PRTFDC1: variants seen among roughly 807,000 people sequenced by gnomAD.
PRTFDC1 encodes phosphoribosyltransferase domain-containing protein 1.
A neutral mutation model predicts 34.6 loss-of-function variants in PRTFDC1; 38 were observed. That is an observed-to-expected ratio of 1.10 (90% CI 0.85 to 1.44). The LOEUF (loss-of-function observed/expected upper bound fraction) is 1.44, where lower values mean the gene tolerates loss of function less well. Among genes scored for constraint, PRTFDC1 ranks in the 40% most tolerant of loss-of-function variants. The pLI is 0.00. For missense variants in PRTFDC1, 270 were observed against 283.0 expected (o/e 0.95, Z 0.33); for synonymous variants, 93 against 98.1 (o/e 0.95, Z 0.31).
intron 3 of PRTFDC1, among the ~76,000 whole-genome samples, chr10:24,917,009 C>T (rs563588633): frequency 6.6e-6 from 1 of 152,232 alleles, no homozygotes; most frequent in East Asian, 1.9e-4. Flanking sequence ...ATGGTGTATT[C>T]GAGGATCCAG....
rs568246495 is a variant in PRTFDC1, at chr10:24,863,027, G to A, written c.406-4618C>T. On this transcript the variant is annotated intron_variant, in intron 4 of 8. Coordinates refer to ENST00000320152, the MANE Select transcript of PRTFDC1 (RefSeq NM_020200.7). ...CAAGTAGCTGGGATTACAGGTGCAC[G>A]CCGGATGCCCAGCTAATTTTTTTGT... Among the ~76,000 whole-genome samples, 6 of 151,976 alleles carry A rather than the reference G, an allele frequency of 3.9e-5. No homozygotes were observed. In the South Asian group the frequency reaches 8.3e-4, roughly 21 times the overall value.
At position 24,887,988 on chromosome 10, in the gene PRTFDC1, C is replaced by T. The variant is rs371285684; in HGVS notation, c.340-15925G>A. ...ATTGCTTAGGCTGGTCTCAAACTCTCGGGCTCAAGCAATCCTCCTGCTTCA... is the reference window on the plus strand; with the variant it reads ...ATTGCTTAGGCTGGTCTCAAACTCTTGGGCTCAAGCAATCCTCCTGCTTCA... On this transcript the variant is annotated intron_variant, in intron 3 of 8. Coordinates refer to ENST00000320152, the MANE Select transcript of PRTFDC1 (RefSeq NM_020200.7). Among the ~76,000 whole-genome samples the T allele has an allele frequency of 1.6e-4, 25 of 152,252 alleles. No homozygotes were observed. The South Asian group carries it at 3.7e-3, about 23-fold the overall frequency.
chr10:24,942,256 G>T, intron 2 of PRTFDC1, 74 bp downstream of exon 2: 1 of 1,231,668 alleles, frequency 8.1e-7, no homozygotes, highest in Non-Finnish European at 1.2e-6. Flanking sequence ...GGGTCCTAAA[G>T]TATATTGTGG....
rs1199913308 is a variant in PRTFDC1 at position 24,851,432 on chromosome 10, C to G, written c.586G>C (p.Val196Leu). ...AGFEIPNLFV[V>L]GYALDYNEYF... ...TCATTGTAATCTAAGGCATATCCCA[C>G]CACAAATAAGTTTGGAATCTCAAAT... is the stretch of plus-strand genomic sequence containing the variant. The change falls in exon 8 of 9, where the codon GTG becomes CTG. Residue 196 changes from valine to leucine, a missense_variant. Transcript: ENST00000320152. 1 of 1,612,270 alleles carries G rather than the reference C, an allele frequency of 6.2e-7. No individual in the cohort carries two copies. The highest frequency in any genetic ancestry group is 1.1e-5 in the South Asian group (1 of 90,840).
intron 3 of PRTFDC1, among the ~76,000 whole-genome samples, chr10:24,900,333 C>A (rs1414550702): frequency 6.6e-6 from 1 of 152,218 alleles, no homozygotes; most frequent in Non-Finnish European, 1.5e-5. Flanking sequence ...GTGTAGCTTA[C>A]GCACTGTTCC....
intron 3 of PRTFDC1, among the ~76,000 whole-genome samples, chr10:24,895,278 A>G (rs1392931988): frequency 6.6e-5 from 4 of 60,508 alleles, no homozygotes; most frequent in African/African-American, 1.2e-4. Flanking sequence ...TTTGAGATGG[A>G]GTCGCTCTTG....
At chr10:24,892,958 A>G (rs536568853) in intron 3 of PRTFDC1, among the ~76,000 whole-genome samples, 16 of 151,806 alleles carry the variant, frequency 1.1e-4, no homozygotes, top group African/African-American at 3.9e-4. Flanking sequence ...TATGGGGAGA[A>G]AGAGTTTCTA....
At chr10:24,933,218 G>A (rs1588621276) in intron 3 of PRTFDC1, among the ~76,000 whole-genome samples, 1 of 151,196 alleles carries the variant, frequency 6.6e-6, no homozygotes, top group Admixed American at 6.6e-5. Context: ...AGATTTCTTA[G>A]GTACACCAAA....
intron 3 of PRTFDC1, among the ~76,000 whole-genome samples, chr10:24,888,745 C>T (rs1848211890): frequency 6.6e-6 from 1 of 152,120 alleles, no homozygotes; most frequent in African/African-American, 2.4e-5. Flanking sequence ...TATCAATGTA[C>T]CCTTAGGTCT....
intron 3 of PRTFDC1, among the ~76,000 whole-genome samples, chr10:24,886,102 A>G (rs1399636669): frequency 6.6e-6 from 1 of 152,208 alleles, no homozygotes; most frequent in Non-Finnish European, 1.5e-5. Flanking sequence ...TAGAATATAC[A>G]TCACCAAGAG....
At chr10:24,906,033 TCA>T (rs1283447320) in intron 3 of PRTFDC1, among the ~76,000 whole-genome samples, 1 of 152,146 alleles carries the variant, frequency 6.6e-6, no homozygotes, top group African/African-American at 2.4e-5. Flanking sequence ...TTGTTTCACT[TCA>T]CAGAGTGTCC....
At chr10:24,917,381 A>G (rs1486876075) in intron 3 of PRTFDC1, among the ~76,000 whole-genome samples, 1 of 152,046 alleles carries the variant, frequency 6.6e-6, no homozygotes, top group Non-Finnish European at 1.5e-5. Context: ...TGCAGTACAC[A>G]TTTTTTTAAC....
chr10:24,908,894 A>G, intron 3 of PRTFDC1: 1 of 686,660 alleles, frequency 1.5e-6, no homozygotes, highest in Non-Finnish European at 2.3e-6. Flanking sequence ...TGCAGGATGG[A>G]GGTCAGTTGT....
intron 4 of PRTFDC1, among the ~76,000 whole-genome samples, chr10:24,862,520 G>T (rs948665431): frequency 4.6e-5 from 7 of 151,950 alleles, no homozygotes; most frequent in Admixed American, 4.6e-4. Flanking sequence ...GATTACAAGT[G>T]TGCACCATCA....
intron 3 of PRTFDC1, among the ~76,000 whole-genome samples, chr10:24,906,745 G>A (rs1848541912): frequency 6.6e-6 from 1 of 152,154 alleles, no homozygotes; most frequent in Admixed American, 6.5e-5. Context: ...CTGTGGCCAC[G>A]AAGCCCATGT....
At chr10:24,942,546 A>G in intron 1 of PRTFDC1, 110 bp from the exon 2 acceptor site, 1 of 861,726 alleles carries the variant, frequency 1.2e-6, no homozygotes, top group Non-Finnish European at 1.9e-6. Context: ...TGAAAAGTTT[A>G]GTGGAACAAG....
intron 3 of PRTFDC1, among the ~76,000 whole-genome samples, chr10:24,896,311 G>A (rs906735952): frequency 6.6e-6 from 1 of 152,088 alleles, no homozygotes; most frequent in African/African-American, 2.4e-5. Context: ...TGTTCCTTAC[G>A]AGAATCTAAC....
chr10:24,937,554 G>T (rs11014311), intron 2 of PRTFDC1, among the ~76,000 whole-genome samples, 187 bp from the exon 3 acceptor site: 86,169 of 143,586 alleles, frequency 0.6, 25,731 homozygotes, highest in African/African-American at 0.74. Flanking sequence ...AAAACATACT[G>T]CTTTTTTTTT....
intron 3 of PRTFDC1, among the ~76,000 whole-genome samples, chr10:24,928,005 C>A (rs1848907457): frequency 1.3e-5 from 2 of 152,176 alleles, no homozygotes; most frequent in Non-Finnish European, 2.9e-5. Context: ...TTCACTAACT[C>A]CAAGTTACAC....
Sources: gnomAD v4.1 joint callset for allele counts (sites outside exome capture counted in the v4.1 genomes callset) on GRCh38, gnomAD v4.1.1 for gene constraint, MANE v1.5 for transcripts, NCBI Gene and HGNC (gene_info 2026-07-23, HGNC 2026-07-21) for gene names.